The following DDRGK1 variants were observed in gnomAD, a reference collection of about 807,000 sequenced individuals.
DDRGK1 encodes DDRGK domain-containing protein 1.
In DDRGK1, 38 loss-of-function variants were observed where a neutral mutation model predicts 45.8. The ratio of observed to expected loss-of-function variants is 0.83; its 90% CI spans 0.64 to 1.09. The LOEUF is 1.09. Ranked by LOEUF, DDRGK1 falls within the 50% of genes least tolerant of loss-of-function variation. The pLI is 0.00. For missense variants in DDRGK1, 403 were observed against 419.9 expected, an observed-to-expected ratio of 0.96 and a Z score of 0.35; for synonymous variants, 171 against 168.7, an observed-to-expected ratio of 1.01 and a Z score of -0.11.
intron 4 of DDRGK1, among the ~76,000 whole-genome samples, chr20:3,197,811 T>A (rs914049906): frequency 1.3e-5 from 2 of 150,826 alleles, no homozygotes; most frequent in African/African-American, 4.9e-5. Flanking sequence ...ACGTCTGTCA[T>A]CCTAGCTGCT....
intron 7 of DDRGK1, 192 bp from the exon 8 acceptor site, chr20:3,191,430 A>G (rs1017026474): frequency 1.5e-5 from 10 of 670,684 alleles, no homozygotes; most frequent in Admixed American, 9.6e-5. Context: ...AAGACCCCCA[A>G]AAGAGTATCT....
intron 7 of DDRGK1, chr20:3,191,546 G>T: frequency 1.4e-6 from 1 of 740,142 alleles, no homozygotes; most frequent in Non-Finnish European, 2.4e-6. Flanking sequence ...CACAGGGGCT[G>T]GCAGAGTGAT....
chr20:3,204,387 G>A (rs2067056052), intron 1 of DDRGK1, 150 bp downstream of exon 1: 11 of 747,144 alleles, frequency 1.5e-5, no homozygotes, highest in Non-Finnish European at 2.1e-5. Context: ...CACTGCGGAA[G>A]CCCCACCCGG....
chr20:3,201,037 G>T (rs943356014), intron 2 of DDRGK1, among the ~76,000 whole-genome samples: 5 of 152,068 alleles, frequency 3.3e-5, no homozygotes, highest in Non-Finnish European at 7.4e-5. Flanking sequence ...GTGAACCCAG[G>T]AGCCGGAACT....
At position 3,203,278 on chromosome 20, in the gene DDRGK1, T is replaced by C. The variant is rs1241601862; in HGVS notation, c.230A>G (p.Gln77Arg). ...RRDLGSRLQAQRRAQRVAWAE... is the reference protein window; with the variant it reads ...RRDLGSRLQARRRAQRVAWAE... Reference sequence around the variant, plus strand: ...CCAGGCCACCCGCTGGGCTCGACGCTGGGCCTGTAGGCGGCTGCCCAGGTC... The same window carrying C: ...CCAGGCCACCCGCTGGGCTCGACGCCGGGCCTGTAGGCGGCTGCCCAGGTC... Residue 77 changes from glutamine (Q) to arginine (R), a missense_variant, in exon 2 of 9, where the codon CAG (glutamine) becomes CGG (arginine). Physicochemically the swap from Gln to Arg is conservative, Grantham distance 43 (BLOSUM62 1). Transcript: ENST00000354488. 7 of 1,607,802 alleles carry C rather than the reference T, an allele frequency of 4.4e-6. No individual in the cohort carries two copies. Among genetic ancestry groups the C allele is most frequent in the Non-Finnish European group, 5.9e-6 (7 of 1,176,522 alleles).
At chr20:3,196,547 G>A (rs1358826704) in intron 4 of DDRGK1, among the ~76,000 whole-genome samples, 5 of 139,286 alleles carry the variant, frequency 3.6e-5, no homozygotes, top group Admixed American at 1.4e-4. Flanking sequence ...CGGGCGTGGT[G>A]GTGGGCGCCT....
intron 4 of DDRGK1, among the ~76,000 whole-genome samples, chr20:3,198,979 CA>C (rs386393118): frequency 7.3e-4 from 84 of 115,100 alleles, no homozygotes; most frequent in Admixed American, 2.2e-3. Context: ...CAATCTCTAC[CA>C]AAAAAAAAAA....
intron 6 of DDRGK1, among the ~76,000 whole-genome samples, chr20:3,193,450 A>C (rs535200944): frequency 6.6e-6 from 1 of 152,096 alleles, no homozygotes; most frequent in African/African-American, 2.4e-5. Context: ...GCCTCACTGC[A>C]ACCTCCACCT....
chr20:3,200,130 T>A (rs1266321319), intron 3 of DDRGK1, 28 bp from the exon 4 acceptor site: 11 of 1,579,126 alleles, frequency 7.0e-6, no homozygotes, highest in Non-Finnish European at 9.5e-6. Flanking sequence ...TAGGGGCACA[T>A]CCCTCACCCC....
chr20:3,195,333 G>A lies in DDRGK1; in HGVS notation c.531C>T (p.Ala177=). 4 of 1,606,762 alleles carry A rather than the reference G, an allele frequency of 2.5e-6. No homozygotes were observed. Among genetic ancestry groups the A allele is most frequent in the South Asian group, 2.2e-5 (2 of 89,912 alleles). The change falls in exon 5 of 9, where the codon GCC becomes GCT. Residue 177 remains alanine, a synonymous_variant. Coordinates refer to ENST00000354488, the MANE Select transcript of DDRGK1 (RefSeq NM_023935.3). ...EEQKEEEERK[A]REEQAQREHE... ...GCTCCCGCTGGGCCTGCTCCTCGCG[G>A]GCCTTCCTCTCCTCCTCCTCCTGTG...
intron 6 of DDRGK1, among the ~76,000 whole-genome samples, chr20:3,194,248 G>C (rs73076841): frequency 0.12 from 18,321 of 152,130 alleles, 1,192 homozygotes; most frequent in Middle Eastern, 0.18. Context: ...AGTTGCACTT[G>C]AAAACCTCTC....
At chr20:3,196,196 T>C (rs1487591576) in intron 4 of DDRGK1, among the ~76,000 whole-genome samples, 1 of 152,110 alleles carries the variant, frequency 6.6e-6, no homozygotes, top group East Asian at 1.9e-4. Flanking sequence ...CGTTTAGACC[T>C]CCTCCTAGGT....
At chr20:3,197,574 A>G (rs1213497258) in intron 4 of DDRGK1, among the ~76,000 whole-genome samples, 2 of 152,218 alleles carry the variant, frequency 1.3e-5, no homozygotes, top group Non-Finnish European at 2.9e-5. Flanking sequence ...TCTAACCATG[A>G]GAAAAACATC....
intron 4 of DDRGK1, among the ~76,000 whole-genome samples, chr20:3,198,709 AAAAAAAAAAAC>A (rs2067022772): frequency 2.1e-5 from 3 of 145,758 alleles, no homozygotes; most frequent in Non-Finnish European, 4.5e-5. Flanking sequence ...TCAAAAAAAA[AAAAAAAAAAAC>A]AAAACAGAAA....
chr20:3,200,216 G>A, intron 3 of DDRGK1, 114 bp from the exon 4 acceptor site: 3 of 1,462,566 alleles, frequency 2.1e-6, no homozygotes, highest in Non-Finnish European at 2.8e-6. Flanking sequence ...CAGGCGGCAG[G>A]AGACAGAGCC....
intron 4 of DDRGK1, among the ~76,000 whole-genome samples, chr20:3,197,284 A>G (rs908231742): frequency 2.6e-5 from 4 of 151,826 alleles, no homozygotes; most frequent in African/African-American, 7.3e-5. Context: ...AAGGAGAGAC[A>G]TATCTCCTGT....
At chr20:3,191,073 G>A in intron 8 of DDRGK1, 117 bp downstream of exon 8, 3 of 1,383,126 alleles carry the variant, frequency 2.2e-6, no homozygotes, top group Non-Finnish European at 3.0e-6. Flanking sequence ...GCCCCTCCTT[G>A]CACACCCCTC....
chr20:3,194,720 C>G (rs6051630), intron 6 of DDRGK1, 110 bp downstream of exon 6: 23 of 1,432,262 alleles, frequency 1.6e-5, no homozygotes, highest in Non-Finnish European at 2.1e-5. Flanking sequence ...GCCCCCCTGT[C>G]CACTCCTGCA....
At chr20:3,202,190 G>A (rs1411469702) in intron 2 of DDRGK1, among the ~76,000 whole-genome samples, 5 of 151,548 alleles carry the variant, frequency 3.3e-5, no homozygotes, top group African/African-American at 7.3e-5. Flanking sequence ...TCCTGACCTC[G>A]TGATCCACCC....
Sources: gnomAD v4.1 joint callset for allele counts (sites outside exome capture counted in the v4.1 genomes callset) on GRCh38, gnomAD v4.1.1 for gene constraint, MANE v1.5 for transcripts, NCBI Gene and HGNC (gene_info 2026-07-23, HGNC 2026-07-21) for gene names.